The following PXDN variants were observed in gnomAD, a reference collection of about 807,000 sequenced individuals.
PXDN encodes peroxidasin homolog.
A neutral mutation model predicts 140.3 loss-of-function variants in PXDN; 77 were observed. That is an observed-to-expected ratio of 0.55 (90% confidence interval 0.46 to 0.66). The LOEUF (loss-of-function observed/expected upper bound fraction) is 0.66. Among genes scored for constraint, PXDN ranks in the 30% least tolerant of loss-of-function variants. PXDN has a pLI of 0.00. For missense variants in PXDN, 1,838 were observed against 2,039.5 expected (o/e 0.90, Z 1.90); for synonymous variants, 911 against 857.4 (o/e 1.06, Z -1.09).
At chr2:1,705,552 C>T (rs575017904) in intron 1 of PXDN, among the ~76,000 whole-genome samples, 24 of 139,450 alleles carry the variant, frequency 1.7e-4, no homozygotes, top group African/African-American at 5.8e-4. Context: ...CGACCTGGGA[C>T]GCAGAGTGCA....
intron 6 of PXDN, among the ~76,000 whole-genome samples, chr2:1,680,797 C>A (rs926117206): frequency 6.6e-6 from 1 of 152,198 alleles, no homozygotes; most frequent in Non-Finnish European, 1.5e-5. Flanking sequence ...CCCATCATCA[C>A]GGGCAGGACA....
At chr2:1,693,982 G>T (rs760000786) in intron 1 of PXDN, among the ~76,000 whole-genome samples, 1 of 152,230 alleles carries the variant, frequency 6.6e-6, no homozygotes, top group African/African-American at 2.4e-5. Context: ...ATGCAGAGGC[G>T]TCGGCTCTAC....
chr2:1,698,095 G>A (rs536810967), intron 1 of PXDN, among the ~76,000 whole-genome samples: 29 of 152,300 alleles, frequency 1.9e-4, no homozygotes, highest in Admixed American at 1.7e-3. Context: ...AGCGTGAGGG[G>A]TGCATCCCTT....
intron 1 of PXDN, among the ~76,000 whole-genome samples, chr2:1,723,358 A>C (rs905524523): frequency 2.0e-5 from 3 of 152,146 alleles, no homozygotes. Flanking sequence ...TTATGGATGA[A>C]TGGAAAGATG....
chr2:1,711,148 C>T (rs1243581869), intron 1 of PXDN, among the ~76,000 whole-genome samples: 6 of 109,396 alleles, frequency 5.5e-5, no homozygotes, highest in Admixed American at 9.7e-5. Context: ...CACTCTCCAC[C>T]AGCACCCGCT....
chr2:1,726,440 A>AG (rs1344562645), intron 1 of PXDN, among the ~76,000 whole-genome samples: 2 of 53,830 alleles, frequency 3.7e-5, no homozygotes, highest in African/African-American at 6.9e-5. Flanking sequence ...GGGTCGGGGG[A>AG]GGGGGGGAGG....
In PXDN at chr2:1,649,026, G is replaced by A. The variant is rs1682935760; in HGVS notation, c.2754C>T (p.Ser918=). The A allele has an allele frequency of 6.2e-7, 1 of 1,612,606 alleles. No individual in the cohort carries two copies. Among genetic ancestry groups the A allele is most frequent in the Non-Finnish European group, 8.5e-7 (1 of 1,179,720 alleles). Reference sequence around the variant, plus strand: ...GGATGCTGCGGGCCTCATGCTCCGTGCTCCCGTACACGTTGGATGCGTCTA... The same window carrying A: ...GGATGCTGCGGGCCTCATGCTCCGTACTCCCGTACACGTTGGATGCGTCTA... ...SYIDASNVYG[S]TEHEARSIRD... is the part of the protein sequence containing the mutation. The change falls in exon 17 of 23, where the codon AGC becomes AGT. Residue 918 remains serine, a synonymous_variant. Coordinates refer to ENST00000252804, the MANE Select transcript of PXDN (RefSeq NM_012293.3). This position sits in a 1 kb window ranked among gnomAD's most constrained non-coding sequence, Gnocchi z 7.1.
At chr2:1,645,744 C>T (rs1558486892) in intron 17 of PXDN, among the ~76,000 whole-genome samples, 1 of 152,210 alleles carries the variant, frequency 6.6e-6, no homozygotes, top group Non-Finnish European at 1.5e-5. Flanking sequence ...AGGACCCTGG[C>T]AGCATCTGGT....
At chr2:1,732,884 C>T (rs1685344250) in intron 1 of PXDN, among the ~76,000 whole-genome samples, 1 of 152,112 alleles carries the variant, frequency 6.6e-6, no homozygotes, top group Non-Finnish European at 1.5e-5. Flanking sequence ...TTCAAAACAC[C>T]AAGTAGTCAT....
At chr2:1,724,020 G>A (rs879777228) in intron 1 of PXDN, among the ~76,000 whole-genome samples, 1 of 152,208 alleles carries the variant, frequency 6.6e-6, no homozygotes, top group Non-Finnish European at 1.5e-5. Flanking sequence ...AAGGAAGCTT[G>A]GCTATGACTA....
intron 1 of PXDN, among the ~76,000 whole-genome samples, chr2:1,694,216 C>T (rs1684247668): frequency 6.6e-6 from 1 of 152,120 alleles, no homozygotes; most frequent in African/African-American, 2.4e-5. Context: ...AGCCCCAGTG[C>T]CTCAGGTGTT....
rs1449780361 is a variant in PXDN, at chr2:1,711,626, GCACCCGCTCCACCAGCACCCA to G, written c.201-18513_201-18493del. Among the ~76,000 whole-genome samples, 44 of 111,344 alleles carry G rather than the reference GCACCCGCTCCACCAGCACCCA, an allele frequency of 4.0e-4. 2 individuals carry two copies. The highest frequency in any genetic ancestry group is 6.0e-4 in the African/African-American group (15 of 25,032). 73.0% of individuals were successfully genotyped at this position (111,344 alleles called of 152,430 possible). A position where few individuals can be genotyped will look rare whatever the true frequency, so the allele number is the denominator to read the frequency against. On this transcript the variant is annotated intron_variant, in intron 1 of 22. Coordinates refer to ENST00000252804, the MANE Select transcript of PXDN (RefSeq NM_012293.3). ...CTCCACCAGCACCCACTCTCCACCAGCACCCGCTCCACCAGCACCCACTCCACCAGCACCCACTCTCCACCA... is the reference window on the plus strand; with the variant it reads ...CTCCACCAGCACCCACTCTCCACCAGCTCCACCAGCACCCACTCTCCACCA...
Position 1,744,283 on chromosome 2 carries a change from G to C in PXDN, c.173C>G (p.Pro58Arg). ...GATGGAGGTCTGCGGCGCCACGGCGGGCACGGCCTCCAGCAGCAGATGCAT... is the reference window on the plus strand; with the variant it reads ...GATGGAGGTCTGCGGCGCCACGGCGCGCACGGCCTCCAGCAGCAGATGCAT... Reference protein sequence around the residue: ...RCMHLLLEAVPAVAPQTSILD... With the variant: ...RCMHLLLEAVRAVAPQTSILD... Residue 58 changes from proline to arginine, a missense_variant, in exon 1 of 23, where the codon CCC becomes CGC. Pro to Arg is a moderately radical substitution (Grantham distance 103). Coordinates refer to ENST00000252804, the MANE Select transcript of PXDN (RefSeq NM_012293.3). The C allele has an allele frequency of 6.6e-7, 1 of 1,520,062 alleles. No individual in the cohort carries two copies. The highest frequency in any genetic ancestry group is 8.8e-7 in the Non-Finnish European group (1 of 1,139,932). The allele number at this position is 1,520,062 out of a possible 1,614,324, so 94.2% of individuals were successfully genotyped here. A position where few individuals can be genotyped will look rare whatever the true frequency, so the allele number is the denominator to read the frequency against.
rs1019400399 is a variant in PXDN at position 1,660,626 on chromosome 2, C to T, written c.1837+255G>A. ...GGATGGGCTGCAGGGTAAGACATTG[C>T]CCAGTGGACAGGCTGCAGGACAAAG... is the stretch of plus-strand genomic sequence containing the variant. On this transcript the variant is annotated intron_variant, in intron 14 of 22. Coordinates refer to ENST00000252804, the MANE Select transcript of PXDN (RefSeq NM_012293.3). This position sits in a 1 kb window ranked among gnomAD's most constrained non-coding sequence, Gnocchi z 4.6. Among the ~76,000 whole-genome samples the T allele has an allele frequency of 6.6e-6, 1 of 152,200 alleles. No homozygotes were observed. Among genetic ancestry groups the T allele is most frequent in the South Asian group, 2.1e-4 (1 of 4,828 alleles).
In PXDN at chr2:1,653,741, G is replaced by A. The variant is rs1347326598; in HGVS notation, c.1991C>T (p.Pro664Leu). ...PNDLLALFRY[P>L]RDPYTVEQAR... ...CTGTTCAACTGTGTAAGGATCCCTCGGATACCGGAACAAGGCCAGCAAATC... is the reference window on the plus strand; with the variant it reads ...CTGTTCAACTGTGTAAGGATCCCTCAGATACCGGAACAAGGCCAGCAAATC... Residue 664 changes from proline (P) to leucine (L), a missense_variant, in exon 16 of 23, where the codon CCG becomes CTG. By Grantham distance (98) the Pro-to-Leu change is moderately conservative (BLOSUM62 -3). This residue lies in a region of PXDN where 537 missense variants were observed against 583.9 expected (regional missense o/e 0.92). Coordinates refer to ENST00000252804, the MANE Select transcript of PXDN (RefSeq NM_012293.3). 4.4e-6 allele frequency: 7 copies of A among 1,594,446 alleles called. No individual in the cohort carries two copies. The highest frequency in any genetic ancestry group is 2.3e-5 in the East Asian group (1 of 44,136).
At chr2:1,678,131 C>T (rs1683774133) in intron 7 of PXDN, among the ~76,000 whole-genome samples, 2 of 152,140 alleles carry the variant, frequency 1.3e-5, no homozygotes, top group Non-Finnish European at 2.9e-5. Context: ...ACTCTGGGAA[C>T]CGTGCCTCCT....
intron 11 of PXDN, chr2:1,664,742 C>T: frequency 1.9e-6 from 1 of 513,828 alleles, no homozygotes; most frequent in East Asian, 3.0e-5. Context: ...TCAGAGTTTC[C>T]TGCCATGATG....
At position 1,676,794 on chromosome 2, in the gene PXDN, T is replaced by G. The variant is rs959704461; in HGVS notation, c.848+133A>C. 2.2e-5 allele frequency: 19 copies of G among 860,052 alleles called. No homozygotes were observed. In the East Asian group the frequency reaches 4.0e-4, roughly 18 times the overall value. 53.3% of individuals were successfully genotyped at this position (860,052 alleles called of 1,614,324 possible). On this transcript the variant is annotated intron_variant, in intron 8 of 22. Transcript: ENST00000252804. ...GACCGGAAAAGGAGCAGAAATAGTT[T>G]CTCCTTTGTACTTTTCCCTACGTGG...
chr2:1,680,246 C>T lies in PXDN; in HGVS notation c.677G>A (p.Arg226Lys). 5 of 1,611,902 alleles carry T rather than the reference C, an allele frequency of 3.1e-6. No individual in the cohort carries two copies. Among genetic ancestry groups the T allele is most frequent in the Non-Finnish European group, 4.2e-6 (5 of 1,179,076 alleles). ...AQAAAICEYP[R>K]RIQGRSVATI... is the part of the protein sequence containing the mutation. ...TGCCACTGAGCGTCCCTGGATGCGT[C>T]TGGGATATTCACAGATGGCCGCTGC... Residue 226 changes from arginine (R) to lysine (K), a missense_variant, in exon 7 of 23, where the codon AGA (arginine) becomes AAA (lysine). By Grantham distance (26) the Arg-to-Lys change is conservative. Coordinates refer to ENST00000252804, the MANE Select transcript of PXDN (RefSeq NM_012293.3).
Sources: allele counts gnomAD v4.1 joint callset (sites outside exome capture counted in the v4.1 genomes callset), GRCh38; gene constraint gnomAD v4.1.1; regional missense constraint gnomAD v4.1.1; non-coding constraint Gnocchi (gnomAD v3.1); transcripts MANE v1.5; gene names NCBI Gene and HGNC (gene_info 2026-07-23, HGNC 2026-07-21).